The following ENOX2 variants were observed in gnomAD, a reference collection of about 807,000 sequenced individuals.
ENOX2 encodes ecto-NOX disulfide-thiol exchanger 2.
In ENOX2, 36 loss-of-function variants were observed where a neutral mutation model predicts 45.0. The ratio of observed to expected loss-of-function variants is 0.80; its 90% confidence interval spans 0.61 to 1.06. The LOEUF (loss-of-function observed/expected upper bound fraction) is 1.06, where lower values mean the gene tolerates loss of function less well. ENOX2 is among the 50% of genes least tolerant of loss of function. ENOX2 has a pLI of 0.00. For synonymous variants in ENOX2, 174 were observed against 152.3 expected (o/e 1.14, Z -1.05); for missense variants, 423 against 462.5 (o/e 0.91, Z 0.78).
chrX:130,728,982 G>A (rs1442311853), intron 3 of ENOX2, among the ~76,000 whole-genome samples: 1 of 111,681 alleles, frequency 9.0e-6, no homozygotes, highest in Non-Finnish European at 1.9e-5. Flanking sequence ...TGTGGACTGC[G>A]TGGATTGTGA....
chrX:130,841,974 A>T (rs1490629142), intron 2 of ENOX2, among the ~76,000 whole-genome samples: 2 of 112,492 alleles, frequency 1.8e-5, no homozygotes, highest in African/African-American at 6.5e-5. Flanking sequence ...GACACAAATT[A>T]ATGTCTTCAT....
intron 2 of ENOX2, among the ~76,000 whole-genome samples, chrX:130,819,886 A>G (rs2077565374): frequency 8.9e-6 from 1 of 111,741 alleles, no homozygotes; most frequent in African/African-American, 3.3e-5. Context: ...AAAACAAAGA[A>G]AAAAGGCACC....
chrX:130,650,259 G>A (rs144972700), intron 10 of ENOX2, among the ~76,000 whole-genome samples: 30 of 111,824 alleles, frequency 2.7e-4, no homozygotes, highest in African/African-American at 9.4e-4. Context: ...GAGAAAATGA[G>A]GAGGAGAGAC....
In ENOX2 at chrX:130,712,948, C is replaced by T. The variant is rs143255510; in HGVS notation, c.-38-9694G>A. Among the ~76,000 whole-genome samples, 46 of 112,026 alleles carry T rather than the reference C, an allele frequency of 4.1e-4. No individual in the cohort carries two copies. The East Asian group carries it at 0.011, about 27-fold the overall frequency. On this transcript the variant is annotated intron_variant, in intron 3 of 14. Transcript: ENST00000394363. Reference sequence around the variant, plus strand: ...CCACAGGTAACTCAGATACTTCCACCACTAACAGTATTATACAATATAATT... The same window carrying T: ...CCACAGGTAACTCAGATACTTCCACTACTAACAGTATTATACAATATAATT...
intron 3 of ENOX2, among the ~76,000 whole-genome samples, chrX:130,722,150 G>C (rs1034511629): frequency 5.4e-5 from 6 of 111,805 alleles, no homozygotes; most frequent in Non-Finnish European, 1.1e-4. Flanking sequence ...GAGCTGGAAC[G>C]AGAGAGCCTG....
In ENOX2 at chrX:130,736,195, C is replaced by T. The variant is rs2038856659; in HGVS notation, c.-38-32941G>A. Among the ~76,000 whole-genome samples the T allele has an allele frequency of 3.6e-5, 4 of 110,816 alleles. No homozygotes were observed. The South Asian group carries it at 1.6e-3, about 43-fold the overall frequency. ...CCTGGCCAACATAGTGAAACACCGT[C>T]TCTACTAAAAATACAAAAATTAGCC... On this transcript the variant is annotated intron_variant, in intron 3 of 14. Coordinates refer to ENST00000394363, the MANE Select transcript of ENOX2 (RefSeq NM_006375.4).
At chrX:130,638,870 C>T (rs969473513) in intron 10 of ENOX2, among the ~76,000 whole-genome samples, 1 of 111,365 alleles carries the variant, frequency 9.0e-6, no homozygotes, top group Non-Finnish European at 1.9e-5. Flanking sequence ...GCCTGTAATC[C>T]CAGCTACTCA....
At chrX:130,714,451 G>C (rs777252575) in intron 3 of ENOX2, among the ~76,000 whole-genome samples, 5 of 111,508 alleles carry the variant, frequency 4.5e-5, no homozygotes, top group Admixed American at 2.9e-4. Context: ...TGGGGACTCT[G>C]CCTGTTGAAC....
At chrX:130,725,051 G>T (rs1422188848) in intron 3 of ENOX2, among the ~76,000 whole-genome samples, 4 of 111,252 alleles carry the variant, frequency 3.6e-5, no homozygotes, top group African/African-American at 1.3e-4. Context: ...TCTGCCTCAG[G>T]GTTCAAGGAA....
chrX:130,838,529 T>C (rs1366071235), intron 2 of ENOX2, among the ~76,000 whole-genome samples: 1 of 111,845 alleles, frequency 8.9e-6, no homozygotes, highest in East Asian at 2.8e-4. Flanking sequence ...CCCTTCCCCT[T>C]CTCCATTCCT....
intron 5 of ENOX2, among the ~76,000 whole-genome samples, chrX:130,685,802 C>A (rs1286991789): frequency 1.8e-5 from 2 of 111,247 alleles, no homozygotes; most frequent in Non-Finnish European, 1.9e-5. Context: ...GACTAAATGG[C>A]AGGTATGTGG....
intron 12 of ENOX2, among the ~76,000 whole-genome samples, chrX:130,634,239 G>A (rs2035866855): frequency 8.9e-6 from 1 of 112,153 alleles, no homozygotes; most frequent in Non-Finnish European, 1.9e-5. Flanking sequence ...TTAAAACAAG[G>A]AAGTTTTGGT....
At chrX:130,901,279 T>C (rs1398739722) in intron 2 of ENOX2, among the ~76,000 whole-genome samples, 3 of 112,676 alleles carry the variant, frequency 2.7e-5, no homozygotes, top group Non-Finnish European at 5.6e-5. Flanking sequence ...GAGCATGGGC[T>C]TTGGAGTCAG....
At chrX:130,889,048 T>C (rs2078948723) in intron 2 of ENOX2, among the ~76,000 whole-genome samples, 1 of 111,679 alleles carries the variant, frequency 9.0e-6, no homozygotes, top group South Asian at 3.8e-4. Context: ...AAGGTAAAAA[T>C]CCAAAGTTAT....
chrX:130,882,138 G>A (rs1027192746), intron 2 of ENOX2, among the ~76,000 whole-genome samples: 1 of 111,124 alleles, frequency 9.0e-6, no homozygotes, highest in Non-Finnish European at 1.9e-5. Context: ...AGATAAGGAA[G>A]GATGGCAATT....
At chrX:130,845,044 T>A (rs2078076670) in intron 2 of ENOX2, among the ~76,000 whole-genome samples, 1 of 112,563 alleles carries the variant, frequency 8.9e-6, no homozygotes, top group Non-Finnish European at 1.9e-5. Context: ...TAAACTCATA[T>A]TTAATGATAT....
chrX:130,770,094 C>T (rs1235482988), intron 3 of ENOX2, among the ~76,000 whole-genome samples: 4 of 111,397 alleles, frequency 3.6e-5, no homozygotes, highest in Non-Finnish European at 7.5e-5. Flanking sequence ...GCTGGTGATA[C>T]GATGTTAGAA....
chrX:130,739,454 G>A (rs1372526749), intron 3 of ENOX2, among the ~76,000 whole-genome samples: 2 of 112,120 alleles, frequency 1.8e-5, no homozygotes, highest in Non-Finnish European at 3.8e-5. Flanking sequence ...TGTGTTTATC[G>A]GGCAGTAACC....
intron 3 of ENOX2, among the ~76,000 whole-genome samples, chrX:130,721,454 A>G (rs1322020898): frequency 8.9e-6 from 1 of 112,116 alleles, no homozygotes; most frequent in East Asian, 2.8e-4. Context: ...TTCCTTCAAA[A>G]AGCATTTTGG....
Sources: gnomAD v4.1 joint callset for allele counts (sites outside exome capture counted in the v4.1 genomes callset) on GRCh38, gnomAD v4.1.1 for gene constraint, MANE v1.5 for transcripts, NCBI Gene and HGNC (gene_info 2026-07-23, HGNC 2026-07-21) for gene names.